TBC1D5: variants seen among roughly 807,000 people sequenced by gnomAD.
The protein encoded by TBC1D5 is TBC1 domain family, member 5.
A neutral mutation model predicts 100.3 loss-of-function variants in TBC1D5; 75 were observed. The ratio of observed to expected loss-of-function variants is 0.75; its 90% CI spans 0.62 to 0.91. TBC1D5 has a LOEUF of 0.91. Ranked by LOEUF, TBC1D5 falls within the 40% of genes least tolerant of loss-of-function variation. The pLI is 0.00. For missense variants in TBC1D5, 910 were observed against 942.4 expected (o/e 0.97, Z 0.45); for synonymous variants, 323 against 325.6 (o/e 0.99, Z 0.09).
intron 1 of TBC1D5, among the ~76,000 whole-genome samples, chr3:17,661,967 T>C (rs1050236799): frequency 1.3e-5 from 2 of 152,126 alleles, no homozygotes; most frequent in African/African-American, 4.8e-5. Flanking sequence ...CATAGCTCAC[T>C]GCATCCTCAA....
At chr3:17,691,083 A>G (rs1336250974) in intron 1 of TBC1D5, among the ~76,000 whole-genome samples, 1 of 152,188 alleles carries the variant, frequency 6.6e-6, no homozygotes, top group Non-Finnish European at 1.5e-5. Flanking sequence ...CGTTGGTAAA[A>G]CTGAGCTTAC....
At chr3:17,355,194 A>C (rs1055734666) in intron 13 of TBC1D5, among the ~76,000 whole-genome samples, 1 of 152,128 alleles carries the variant, frequency 6.6e-6, no homozygotes. Context: ...GTTCAAAAAA[A>C]GGTATGGCAG....
chr3:17,335,671 C>A (rs2087626892), intron 13 of TBC1D5, among the ~76,000 whole-genome samples: 1 of 152,054 alleles, frequency 6.6e-6, no homozygotes, highest in Admixed American at 6.6e-5. Flanking sequence ...AGAATCGAAA[C>A]AATGATCTAC....
intron 4 of TBC1D5, among the ~76,000 whole-genome samples, chr3:17,412,791 T>C (rs1226443234): frequency 2.0e-5 from 3 of 151,938 alleles, no homozygotes; most frequent in African/African-American, 4.8e-5. Context: ...GTCAAGAGAA[T>C]AAAGAAATGA....
At chr3:17,445,543 G>C (rs2094770216) in intron 3 of TBC1D5, among the ~76,000 whole-genome samples, 1 of 152,004 alleles carries the variant, frequency 6.6e-6, no homozygotes, top group South Asian at 2.1e-4. Flanking sequence ...TTTCTTATTT[G>C]TGGTCTTGCT....
At chr3:17,235,066 C>A (rs2075750706) in intron 17 of TBC1D5, among the ~76,000 whole-genome samples, 2 of 152,160 alleles carry the variant, frequency 1.3e-5, no homozygotes, top group Middle Eastern at 3.4e-3. Flanking sequence ...CAATTCTGTG[C>A]CTGCTACCTG....
intron 16 of TBC1D5, among the ~76,000 whole-genome samples, chr3:17,258,199 G>A (rs1348539306): frequency 6.6e-6 from 1 of 151,888 alleles, no homozygotes; most frequent in Non-Finnish European, 1.5e-5. Context: ...TCAATCAACA[G>A]CAAAAATCTA....
At chr3:17,603,608 A>C (rs2061144196) in intron 2 of TBC1D5, among the ~76,000 whole-genome samples, 1 of 152,102 alleles carries the variant, frequency 6.6e-6, no homozygotes, top group African/African-American at 2.4e-5. Context: ...ACAACCATAA[A>C]AATAGCCAAC....
chr3:17,707,811 A>T (rs1342548008), intron 1 of TBC1D5, among the ~76,000 whole-genome samples: 1 of 152,184 alleles, frequency 6.6e-6, no homozygotes, highest in Non-Finnish European at 1.5e-5. Flanking sequence ...AAAAACAACC[A>T]AAGAAACAAA....
At chr3:17,449,364 C>A (rs1461564645) in intron 3 of TBC1D5, among the ~76,000 whole-genome samples, 1 of 152,158 alleles carries the variant, frequency 6.6e-6, no homozygotes, top group Non-Finnish European at 1.5e-5. Flanking sequence ...CTAGTGGCAC[C>A]TGGAATGCCA....
chr3:17,310,699 T>C (rs1473514075), intron 13 of TBC1D5, among the ~76,000 whole-genome samples: 1 of 151,880 alleles, frequency 6.6e-6, no homozygotes, highest in Non-Finnish European at 1.5e-5. Context: ...TAGAAAAAAA[T>C]ACCAAAACCA....
intron 2 of TBC1D5, among the ~76,000 whole-genome samples, chr3:17,516,358 A>T (rs1021406774): frequency 6.6e-6 from 1 of 152,150 alleles, no homozygotes; most frequent in African/African-American, 2.4e-5. Context: ...TGGCCAAAAG[A>T]TTTCCTATTT....
chr3:17,577,709 G>A (rs1393127038), intron 2 of TBC1D5, among the ~76,000 whole-genome samples: 2 of 151,950 alleles, frequency 1.3e-5, no homozygotes, highest in Non-Finnish European at 2.9e-5. Flanking sequence ...TACAAGGCAT[G>A]TAATTTTACT....
intron 3 of TBC1D5, among the ~76,000 whole-genome samples, chr3:17,463,883 T>G (rs1314579100): frequency 6.6e-6 from 1 of 151,952 alleles, no homozygotes; most frequent in East Asian, 1.9e-4. Context: ...TTGATTTGAG[T>G]ATTAATTTTA....
intron 13 of TBC1D5, among the ~76,000 whole-genome samples, chr3:17,352,286 T>C (rs2151700176): frequency 6.6e-6 from 1 of 152,236 alleles, no homozygotes; most frequent in Non-Finnish European, 1.5e-5. Context: ...TTTAAATGCA[T>C]TTTTTATTTT....
intron 1 of TBC1D5, among the ~76,000 whole-genome samples, chr3:17,736,158 G>A (rs994449575): frequency 1.3e-5 from 2 of 152,164 alleles, no homozygotes; most frequent in Non-Finnish European, 2.9e-5. Flanking sequence ...TCCCCAGCTA[G>A]GCTTAAGAAT....
At chr3:17,406,359 A>G (rs41285053) in intron 5 of TBC1D5, 59 bp downstream of exon 5, 58,710 of 1,444,430 alleles carry the variant, frequency 0.041, 1,392 homozygotes, top group Middle Eastern at 0.056. Flanking sequence ...CTTCCAGGGC[A>G]TCAGGTAATG....
At position 17,372,074 on chromosome 3, in the gene TBC1D5, C is replaced by T. The variant is rs2092489738; in HGVS notation, c.995+1G>A. The T allele has an allele frequency of 6.7e-6, 9 of 1,333,936 alleles. No homozygotes were observed. The highest frequency in any genetic ancestry group is 9.3e-6 in the Non-Finnish European group (9 of 968,982). 82.6% of individuals were successfully genotyped at this position (1,333,936 alleles called of 1,614,324 possible). The stretch of plus-strand genomic sequence containing the variant: ...AACAAACAAAGAACTTTAATACTTA[C>T]AACCCATATATCTGTGGTGCAATTT... On this transcript the variant is annotated splice_donor_variant, in intron 13 of 21. Coordinates refer to ENST00000253692, the Ensembl canonical transcript of TBC1D5. LOFTEE classifies it high-confidence loss of function.
chr3:17,188,781 A>G (rs538108350), intron 18 of TBC1D5, among the ~76,000 whole-genome samples: 1 of 152,332 alleles, frequency 6.6e-6, no homozygotes, highest in African/African-American at 2.4e-5. Context: ...CCCAACTAAC[A>G]ATGCTTTAGA....
Sources: allele counts gnomAD v4.1 joint callset (sites outside exome capture counted in the v4.1 genomes callset), GRCh38; gene constraint gnomAD v4.1.1; transcripts MANE v1.5; gene names NCBI Gene and HGNC (gene_info 2026-07-23, HGNC 2026-07-21).